The following RAB22A variants were observed in gnomAD, a reference collection of about 807,000 sequenced individuals.
The protein encoded by RAB22A is ras-related protein Rab-22A.
RAB22A carries 13 observed loss-of-function variants against 30.2 expected under a neutral mutation model. That is an observed-to-expected ratio of 0.43 (90% CI 0.28 to 0.68). The LOEUF is 0.68. Among genes scored for constraint, RAB22A ranks in the 30% least tolerant of loss-of-function variants. The pLI, the probability that RAB22A is intolerant of heterozygous loss-of-function variation, is 0.18. For missense variants in RAB22A, 177 were observed against 246.8 expected, an observed-to-expected ratio of 0.72 and a Z score of 1.89; for synonymous variants, 89 against 87.2, an observed-to-expected ratio of 1.02 and a Z score of -0.11.
rs1987258240 is a variant in RAB22A at position 58,363,218 on chromosome 20, T to C, written c.*3515T>C. 1 of 152,234 alleles carries C rather than the reference T, an allele frequency of 6.6e-6. No individual in the cohort carries two copies. Among genetic ancestry groups the C allele is most frequent in the African/African-American group, 2.4e-5 (1 of 41,466 alleles). 9.4% of individuals were successfully genotyped at this position (152,234 alleles called of 1,614,324 possible). ...TCCAGCTCAGAAAGGCATTTGCTCATGGTTACAGGCATCTTTTAGATTCTA... is the reference window on the plus strand; with the variant it reads ...TCCAGCTCAGAAAGGCATTTGCTCACGGTTACAGGCATCTTTTAGATTCTA... On this transcript the variant is annotated 3_prime_UTR_variant, in exon 7 of 7. Transcript: ENST00000244040.
intron 2 of RAB22A, among the ~76,000 whole-genome samples, chr20:58,312,491 T>C (rs1433921338): frequency 0.016 from 1,787 of 113,276 alleles, 53 homozygotes; most frequent in Non-Finnish European, 0.024. Context: ...TTTTTTTTTT[T>C]TTTTTTTTTT....
chr20:58,352,635 TTG>T (rs2122967533), intron 3 of RAB22A, among the ~76,000 whole-genome samples: 1 of 152,304 alleles, frequency 6.6e-6, no homozygotes. Context: ...TTCCTCCCTG[TTG>T]TGTGTCACCG....
At chr20:58,357,821 C>T (rs1027083518) in intron 6 of RAB22A, among the ~76,000 whole-genome samples, 1 of 152,202 alleles carries the variant, frequency 6.6e-6, no homozygotes, top group Admixed American at 6.5e-5. Flanking sequence ...CCGCAGACAA[C>T]TCAAAGTGGT....
intron 2 of RAB22A, among the ~76,000 whole-genome samples, chr20:58,326,638 G>GTTT (rs1348631150): frequency 6.6e-6 from 1 of 151,986 alleles, no homozygotes; most frequent in Admixed American, 6.6e-5. Flanking sequence ...TTCTTTTAAG[G>GTTT]TTTTTTTGTG....
At chr20:58,323,756 C>T (rs184233102) in intron 2 of RAB22A, among the ~76,000 whole-genome samples, 1 of 151,770 alleles carries the variant, frequency 6.6e-6, no homozygotes, top group African/African-American at 2.4e-5. Flanking sequence ...TGTAGATTGA[C>T]ACCACCATGC....
chr20:58,328,262 G>A (rs1986602208), intron 2 of RAB22A, among the ~76,000 whole-genome samples: 1 of 151,898 alleles, frequency 6.6e-6, no homozygotes, highest in Non-Finnish European at 1.5e-5. Context: ...GCTCACTGCA[G>A]TCACAACCCC....
At chr20:58,356,857 G>A (rs928690810) in intron 6 of RAB22A, among the ~76,000 whole-genome samples, 2 of 152,144 alleles carry the variant, frequency 1.3e-5, no homozygotes, top group African/African-American at 4.8e-5. Context: ...GTCAGAGTCC[G>A]AGTTGTGCGG....
At chr20:58,326,204 T>C in intron 2 of RAB22A, among the ~76,000 whole-genome samples, 1 of 152,178 alleles carries the variant, frequency 6.6e-6, no homozygotes, top group African/African-American at 2.4e-5. Context: ...AAGCAGCTTA[T>C]GATTTGATTT....
intron 2 of RAB22A, among the ~76,000 whole-genome samples, chr20:58,334,183 AC>A (rs1416091622): frequency 2.0e-5 from 3 of 151,934 alleles, no homozygotes; most frequent in Admixed American, 6.6e-5. Flanking sequence ...ACACAAAAAA[AC>A]ATTAGCTGGG....
rs1395644208 is a variant in RAB22A at position 58,361,672 on chromosome 20, T to C, written c.*1969T>C. 6.6e-6 allele frequency: 1 copy of C among 152,212 alleles called. No individual in the cohort carries two copies. The highest frequency in any genetic ancestry group is 1.5e-5 in the Non-Finnish European group (1 of 68,054). The allele number at this position is 152,212 out of a possible 1,614,324, so 9.4% of individuals were successfully genotyped here. ...CCTGGTGTGTCCCTAGAATTCCCAC[T>C]GCTGGGCCTCTATCTCCATGACAAC... On this transcript the variant is annotated 3_prime_UTR_variant, in exon 7 of 7. Coordinates refer to ENST00000244040, the MANE Select transcript of RAB22A (RefSeq NM_020673.3).
chr20:58,335,798 C>G (rs1986740056), intron 2 of RAB22A, among the ~76,000 whole-genome samples: 1 of 152,204 alleles, frequency 6.6e-6, no homozygotes, highest in African/African-American at 2.4e-5. Context: ...AATAGTTCAT[C>G]ACACACAGAG....
At chr20:58,312,574 C>T (rs1986252307) in intron 2 of RAB22A, among the ~76,000 whole-genome samples, 2 of 143,474 alleles carry the variant, frequency 1.4e-5, no homozygotes, top group Admixed American at 1.4e-4. Context: ...CTGCAAGCTC[C>T]GCCTCCTGGA....
Position 58,311,039 on chromosome 20 carries a change from T to A in RAB22A, c.37-4T>A. The A allele has an allele frequency of 6.3e-7, 1 of 1,596,244 alleles. No homozygotes were observed. ...TCTCAGTCCCTCATCTCGTTCTCTT[T>A]CAGGATACAGGTGTAGGTAAATCGA... On this transcript the variant is annotated splice_region_variant and splice_polypyrimidine_tract_variant and intron_variant, in intron 1 of 6. Coordinates refer to ENST00000244040, the MANE Select transcript of RAB22A (RefSeq NM_020673.3).
intron 3 of RAB22A, among the ~76,000 whole-genome samples, chr20:58,350,109 A>C (rs1987021020): frequency 6.6e-6 from 1 of 152,236 alleles, no homozygotes; most frequent in Admixed American, 6.5e-5. Context: ...AGGGAAAAAA[A>C]AAAGGAGTGT....
chr20:58,311,051 T>C lies in RAB22A; in HGVS notation c.45T>C (p.Gly15=). The C allele has an allele frequency of 6.2e-7, 1 of 1,602,100 alleles. No individual in the cohort carries two copies. Among genetic ancestry groups the C allele is most frequent in the Non-Finnish European group, 8.6e-7 (1 of 1,169,086 alleles). ...ATCTCGTTCTCTTTCAGGATACAGG[T>C]GTAGGTAAATCGAGTATTGTGTGGC... ...ELKVCLLGDT[G]VGKSSIVWRF... Residue 15 remains glycine (G), a synonymous_variant, in exon 2 of 7, where the codon GGT becomes GGC. Transcript: ENST00000244040.
chr20:58,351,987 G>A (rs1365328387), intron 3 of RAB22A, among the ~76,000 whole-genome samples: 1 of 152,118 alleles, frequency 6.6e-6, no homozygotes, highest in Non-Finnish European at 1.5e-5. Context: ...AAAGGATGTA[G>A]TATTCAAATA....
At chr20:58,359,074 G>A (rs1023104605) in intron 6 of RAB22A, among the ~76,000 whole-genome samples, 4 of 152,134 alleles carry the variant, frequency 2.6e-5, no homozygotes, top group African/African-American at 9.7e-5. Flanking sequence ...CTGAGTGTTT[G>A]TGCATATATG....
At position 58,359,779 on chromosome 20, in the gene RAB22A, A is replaced by G. The variant is rs1568683577; in HGVS notation, c.*76A>G. 7.8e-6 allele frequency: 10 copies of G among 1,278,336 alleles called. No homozygotes were observed. The highest frequency in any genetic ancestry group is 2.3e-4 in the Middle Eastern group (1 of 4,360). 79.2% of individuals were successfully genotyped at this position (1,278,336 alleles called of 1,614,324 possible). On this transcript the variant is annotated 3_prime_UTR_variant, in exon 7 of 7. Transcript: ENST00000244040. The stretch of plus-strand genomic sequence containing the variant: ...TAACAGGAGGGCTGGGGTCCCTGCC[A>G]CCAGTTTTCACCTAGCCAGTCTTGA...
At chr20:58,316,827 G>A (rs1986349955) in intron 2 of RAB22A, among the ~76,000 whole-genome samples, 1 of 152,158 alleles carries the variant, frequency 6.6e-6, no homozygotes, top group African/African-American at 2.4e-5. Context: ...GGACCTTGGG[G>A]TAGAGGAAAG....
Sources: gnomAD v4.1 joint callset for allele counts (sites outside exome capture counted in the v4.1 genomes callset) on GRCh38, gnomAD v4.1.1 for gene constraint, MANE v1.5 for transcripts, NCBI Gene and HGNC (gene_info 2026-07-23, HGNC 2026-07-21) for gene names.